Variants in DAAM1 observed in about 807,000 individuals in gnomAD.
DAAM1 encodes the protein disheveled-associated activator of morphogenesis 1.
Under a neutral mutation model 130.0 loss-of-function variants are expected in DAAM1, and 52 were observed. The observed-to-expected ratio is 0.40, with a 90% CI of 0.32 to 0.50. The LOEUF is 0.50. Among genes scored for constraint, DAAM1 ranks in the 20% least tolerant of loss-of-function variants. The pLI, the probability that DAAM1 is intolerant of heterozygous loss-of-function variation, is 0.61. For missense variants in DAAM1, 1,134 were observed against 1,303.8 expected, an observed-to-expected ratio of 0.87 and a Z score of 2.01; for synonymous variants, 452 against 444.5, an observed-to-expected ratio of 1.02 and a Z score of -0.21.
chr14:59,257,587 A>G (rs888333867), intron 1 of DAAM1, among the ~76,000 whole-genome samples: 11 of 152,200 alleles, frequency 7.2e-5, no homozygotes, highest in African/African-American at 2.7e-4. Flanking sequence ...CCGAGGACTG[A>G]TGAGTGCACG....
In DAAM1 at chr14:59,322,944, C is replaced by G; in HGVS notation, c.493C>G (p.Leu165Val). 1 of 1,614,084 alleles carries G rather than the reference C, an allele frequency of 6.2e-7. No individual in the cohort carries two copies. The highest frequency in any genetic ancestry group is 8.5e-7 in the Non-Finnish European group (1 of 1,179,980). ...TGGCCTATCATGTATCCTCAACTTT[C>G]TAAAGACCATGGACTACGAGACCTC... ...LDGLSCILNF[L>V]KTMDYETSES... Residue 165 changes from leucine (L) to valine (V), a missense_variant, in exon 6 of 25, where the codon CTA (leucine) becomes GTA (valine). Transcript: ENST00000360909.
chr14:59,233,776 A>T (rs1236074682), intron 1 of DAAM1, among the ~76,000 whole-genome samples: 1 of 152,148 alleles, frequency 6.6e-6, no homozygotes, highest in East Asian at 1.9e-4. Context: ...TGAGTTTTAC[A>T]TTTAAGTCTT....
intron 1 of DAAM1, among the ~76,000 whole-genome samples, chr14:59,201,905 C>T (rs1318936686): frequency 6.6e-6 from 1 of 152,022 alleles, no homozygotes; most frequent in Non-Finnish European, 1.5e-5. Flanking sequence ...ATATAGTGTG[C>T]ACTACCTAAT....
Position 59,331,925 on chromosome 14 carries a change from C to G in DAAM1, c.1968+5C>G. 1 of 1,610,576 alleles carries G rather than the reference C, an allele frequency of 6.2e-7. No homozygotes were observed. Among genetic ancestry groups the G allele is most frequent in the Non-Finnish European group, 8.5e-7 (1 of 1,177,354 alleles). On this transcript the variant is annotated splice_donor_5th_base_variant and intron_variant, in intron 15 of 24. Transcript: ENST00000360909. The stretch of plus-strand genomic sequence containing the variant: ...TCTGCCTATCAAAGACAGCAGGTAA[C>G]AGCATATGCCCTCCAGACACCAAAA...
chr14:59,305,152 A>T (rs1884326225), intron 3 of DAAM1, among the ~76,000 whole-genome samples: 1 of 152,230 alleles, frequency 6.6e-6, no homozygotes, highest in Admixed American at 6.5e-5. Flanking sequence ...ATGTTAATTT[A>T]CAAACCAACT....
chr14:59,331,909 C>G lies in DAAM1; in HGVS notation c.1957C>G (p.Gln653Glu). Reference protein sequence around the residue: ...EDLERTFSAYQRQQKEADAID... With the variant: ...EDLERTFSAYERQQKEADAID... Reference sequence around the variant, plus strand: ...CCTGGAAAGAACCTTCTCTGCCTATCAAAGACAGCAGGTAACAGCATATGC... The same window carrying G: ...CCTGGAAAGAACCTTCTCTGCCTATGAAAGACAGCAGGTAACAGCATATGC... The change falls in exon 15 of 25, where the codon CAA becomes GAA. Residue 653 changes from glutamine (Q) to glutamate (E), a missense_variant. Physicochemically the swap from Gln to Glu is conservative, Grantham distance 29. This residue lies in a region of DAAM1 where 644 missense variants were observed against 695.9 expected (regional missense o/e 0.93). Transcript: ENST00000360909. 1 of 1,613,756 alleles carries G rather than the reference C, an allele frequency of 6.2e-7. No homozygotes were observed. The highest frequency in any genetic ancestry group is 1.1e-5 in the South Asian group (1 of 91,008).
rs368655307 is a variant in DAAM1, at chr14:59,340,061, A to C, written c.1969-13A>C. 1 of 1,609,788 alleles carries C rather than the reference A, an allele frequency of 6.2e-7. No individual in the cohort carries two copies. The highest frequency in any genetic ancestry group is 1.1e-5 in the South Asian group (1 of 90,916). On this transcript the variant is annotated splice_polypyrimidine_tract_variant and intron_variant, in intron 15 of 24. Transcript: ENST00000360909. ...TGTTGGACTTTGATGGATTTCTTTCATGCTCTTTACAGAAAGAAGCAGATG... is the reference window on the plus strand; with the variant it reads ...TGTTGGACTTTGATGGATTTCTTTCCTGCTCTTTACAGAAAGAAGCAGATG...
At position 59,314,042 on chromosome 14, in the gene DAAM1, G is replaced by A. The variant is rs975385431; in HGVS notation, c.274-1238G>A. 9.9e-5 allele frequency among the ~76,000 whole-genome samples: 15 copies of A among 152,174 alleles called. 1 individual carries two copies. The highest frequency in any genetic ancestry group is 3.6e-4 in the African/African-American group (15 of 41,450). ...CTACTTAAAAAATAGTTTTGAAATTGCATTTCTTTTATTCCACCTGTGTAG... is the reference window on the plus strand; with the variant it reads ...CTACTTAAAAAATAGTTTTGAAATTACATTTCTTTTATTCCACCTGTGTAG... On this transcript the variant is annotated intron_variant, in intron 3 of 24. Transcript: ENST00000360909.
intron 2 of DAAM1, among the ~76,000 whole-genome samples, chr14:59,280,901 A>G (rs1456201286): frequency 6.6e-6 from 1 of 152,084 alleles, no homozygotes. Context: ...TTTTCTAAGA[A>G]AAAGGGCATG....
At chr14:59,192,492 C>A (rs765794046) in intron 1 of DAAM1, among the ~76,000 whole-genome samples, 4 of 152,128 alleles carry the variant, frequency 2.6e-5, no homozygotes, top group African/African-American at 9.7e-5. Flanking sequence ...GGCTTCAAGC[C>A]GTGCTCTGGT....
At chr14:59,357,335 G>C (rs1455275398) in intron 20 of DAAM1, 1 of 151,884 alleles carries the variant, frequency 6.6e-6, no homozygotes, top group East Asian at 1.9e-4. Context: ...CCTTAGGTAA[G>C]AAGTCTCTCA....
intron 4 of DAAM1, among the ~76,000 whole-genome samples, chr14:59,317,037 T>G (rs556477878): frequency 6.6e-6 from 1 of 152,328 alleles, no homozygotes; most frequent in African/African-American, 2.4e-5. Flanking sequence ...TTTAAGGGCC[T>G]CCTCTCTCCT....
intron 1 of DAAM1, among the ~76,000 whole-genome samples, chr14:59,236,325 GCTCT>G (rs1316444703): frequency 3.3e-5 from 5 of 151,996 alleles, no homozygotes; most frequent in African/African-American, 1.2e-4. Context: ...GAATTATAAT[GCTCT>G]CTGTTACTCA....
chr14:59,226,823 G>A (rs1888956549), intron 1 of DAAM1, among the ~76,000 whole-genome samples: 1 of 152,188 alleles, frequency 6.6e-6, no homozygotes, highest in African/African-American at 2.4e-5. Context: ...CCTTTCATTA[G>A]AACCTGGGAA....
intron 3 of DAAM1, among the ~76,000 whole-genome samples, chr14:59,306,302 A>G (rs1387101501): frequency 6.6e-6 from 1 of 152,188 alleles, no homozygotes; most frequent in East Asian, 1.9e-4. Flanking sequence ...TCTTTTATTC[A>G]TGTATTCCAA....
chr14:59,210,842 C>G lies in DAAM1; in HGVS notation c.-38+22074C>G, dbSNP rs574262899. 2.6e-5 allele frequency among the ~76,000 whole-genome samples: 4 copies of G among 152,126 alleles called. No individual in the cohort carries two copies. In the East Asian group the frequency reaches 7.7e-4, roughly 29 times the overall value. On this transcript the variant is annotated intron_variant, in intron 1 of 24. Transcript: ENST00000360909. Reference sequence around the variant, plus strand: ...TTGTTTGGAAAATAAGGAGGTAGAACAATGAAATAATCCAAATATTATGAG... The same window carrying G: ...TTGTTTGGAAAATAAGGAGGTAGAAGAATGAAATAATCCAAATATTATGAG...
intron 1 of DAAM1, among the ~76,000 whole-genome samples, chr14:59,211,392 G>A (rs535807488): frequency 1.3e-5 from 2 of 152,302 alleles, no homozygotes; most frequent in Admixed American, 1.3e-4. Flanking sequence ...GGCAGGTGTT[G>A]GTGGGTAGGT....
At chr14:59,334,177 G>A (rs1457206727) in intron 15 of DAAM1, among the ~76,000 whole-genome samples, 1 of 152,118 alleles carries the variant, frequency 6.6e-6, no homozygotes, top group African/African-American at 2.4e-5. Flanking sequence ...TCTAAATAAG[G>A]ATAATTTGAG....
intron 16 of DAAM1, among the ~76,000 whole-genome samples, chr14:59,342,241 A>G (rs1487129115): frequency 6.6e-6 from 1 of 152,212 alleles, no homozygotes. Context: ...TGTGTGTGAC[A>G]AAGTAATTTT....
Sources: gnomAD v4.1 joint callset for allele counts (sites outside exome capture counted in the v4.1 genomes callset) on GRCh38, gnomAD v4.1.1 for gene constraint, gnomAD v4.1.1 regional missense constraint, MANE v1.5 for transcripts, NCBI Gene and HGNC (gene_info 2026-07-23, HGNC 2026-07-21) for gene names.